RAD51B: variants seen among roughly 807,000 people sequenced by gnomAD.
RAD51B encodes the protein RAD51 paralog B.
RAD51B carries 38 observed loss-of-function variants against 42.2 expected under a neutral mutation model. That is an observed-to-expected ratio of 0.90 (90% CI 0.70 to 1.18). RAD51B has a LOEUF of 1.18. Ranked by LOEUF, RAD51B falls within the 50% of genes most tolerant of loss-of-function variation. RAD51B has a pLI of 0.00. For missense variants in RAD51B, 373 were observed against 400.7 expected, an observed-to-expected ratio of 0.93 and a Z score of 0.59; for synonymous variants, 154 against 145.2, an observed-to-expected ratio of 1.06 and a Z score of -0.43.
intron 7 of RAD51B, among the ~76,000 whole-genome samples, chr14:68,263,766 T>C (rs1160803926): frequency 6.6e-6 from 1 of 152,190 alleles, no homozygotes; most frequent in Non-Finnish European, 1.5e-5. Flanking sequence ...GGCCTAGCCC[T>C]TCCCCCTCAT....
chr14:68,540,233 A>G, intron 10 of RAD51B: 3 of 1,014,934 alleles, frequency 3.0e-6, no homozygotes, highest in Non-Finnish European at 2.4e-6. Context: ...GCTCGAGGCA[A>G]ACATAGGATC....
At chr14:68,519,682 C>T (rs1224628117) in intron 10 of RAD51B, among the ~76,000 whole-genome samples, 2 of 152,192 alleles carry the variant, frequency 1.3e-5, no homozygotes, top group Non-Finnish European at 2.9e-5. Flanking sequence ...GTATGTAGAA[C>T]GTGGAGAAAG....
Position 68,111,068 on chromosome 14 carries a change from A to G in RAD51B, c.757-180816A>G, listed in dbSNP as rs148041289. The stretch of plus-strand genomic sequence containing the variant: ...ACAAGATTTTAAAATGACAAGTAAG[A>G]TAATTACATGAAAGGATCTGTCTAG... On this transcript the variant is annotated intron_variant, in intron 7 of 10. Transcript: ENST00000471583. 6.6e-5 allele frequency among the ~76,000 whole-genome samples: 10 copies of G among 152,222 alleles called. No individual in the cohort carries two copies. In the East Asian group the frequency reaches 1.7e-3, roughly 26 times the overall value.
chr14:68,372,994 C>T (rs2083292527), intron 8 of RAD51B, among the ~76,000 whole-genome samples: 2 of 152,172 alleles, frequency 1.3e-5, no homozygotes, highest in Admixed American at 6.5e-5. Context: ...TGATGATTTA[C>T]TTAGTGTGGT....
chr14:68,282,751 T>A (rs1302334129), intron 7 of RAD51B, among the ~76,000 whole-genome samples: 1 of 152,238 alleles, frequency 6.6e-6, no homozygotes, highest in African/African-American at 2.4e-5. Flanking sequence ...AGATTCACTC[T>A]GGAGATAGAA....
intron 7 of RAD51B, among the ~76,000 whole-genome samples, chr14:68,062,832 GAA>G (rs1279926030): frequency 8.0e-6 from 1 of 124,310 alleles, no homozygotes; most frequent in Non-Finnish European, 1.7e-5. Context: ...AAAAAAAAAA[GAA>G]AAAAAAAAAA....
At chr14:68,131,047 A>G (rs563102555) in intron 7 of RAD51B, among the ~76,000 whole-genome samples, 42 of 152,358 alleles carry the variant, frequency 2.8e-4, no homozygotes, top group African/African-American at 9.9e-4. Context: ...ATTTAGAATT[A>G]TTAAATTCCT....
At chr14:68,026,937 T>C (rs2075965654) in intron 7 of RAD51B, among the ~76,000 whole-genome samples, 1 of 152,146 alleles carries the variant, frequency 6.6e-6, no homozygotes, top group African/African-American at 2.4e-5. Flanking sequence ...TTATAGTGTA[T>C]GTAGGCGCCA....
intron 8 of RAD51B, among the ~76,000 whole-genome samples, chr14:68,396,643 C>T (rs2083932212): frequency 6.6e-6 from 1 of 152,130 alleles, no homozygotes; most frequent in Non-Finnish European, 1.5e-5. Flanking sequence ...TGGAGAAAAC[C>T]TGGAGATTTA....
intron 4 of RAD51B, among the ~76,000 whole-genome samples, chr14:67,850,136 T>G (rs1396042285): frequency 6.6e-6 from 1 of 152,158 alleles, no homozygotes; most frequent in African/African-American, 2.4e-5. Context: ...GCTGGGACTA[T>G]AGGCGTGTGC....
intron 8 of RAD51B, among the ~76,000 whole-genome samples, chr14:68,312,097 C>T (rs186903095): frequency 3.9e-4 from 60 of 152,204 alleles, no homozygotes; most frequent in Admixed American, 3.5e-3. Context: ...AGTAGCACAA[C>T]GGGGAAGAAA....
chr14:67,911,989 T>C (rs1446616578), intron 7 of RAD51B, among the ~76,000 whole-genome samples: 1 of 152,234 alleles, frequency 6.6e-6, no homozygotes, highest in East Asian at 1.9e-4. Flanking sequence ...GTGTATATGA[T>C]AGCATGAAGA....
intron 7 of RAD51B, among the ~76,000 whole-genome samples, chr14:67,991,821 A>C (rs955594905): frequency 2.0e-5 from 3 of 152,196 alleles, no homozygotes; most frequent in African/African-American, 2.4e-5. Flanking sequence ...TGATATAGAC[A>C]GGAGTCAAAA....
intron 11 of RAD51B, among the ~76,000 whole-genome samples, chr14:68,658,192 C>T (rs1170194739): frequency 6.6e-6 from 1 of 152,260 alleles, no homozygotes; most frequent in Non-Finnish European, 1.5e-5. Flanking sequence ...AGCTCCCCAG[C>T]TGCTCTCTGA....
At chr14:68,596,861 C>T (rs1891018076), downstream of RAD51B, among the ~76,000 whole-genome samples, 1 of 152,260 alleles carries the variant, frequency 6.6e-6, no homozygotes, top group Non-Finnish European at 1.5e-5. Flanking sequence ...ATTGGCAACA[C>T]ACCCAGAAGG....
At chr14:68,221,719 C>A (rs996053069) in intron 7 of RAD51B, among the ~76,000 whole-genome samples, 8 of 152,136 alleles carry the variant, frequency 5.3e-5, no homozygotes, top group Non-Finnish European at 1.0e-4. Context: ...TTCTTCACAG[C>A]AAAAGAAATA....
chr14:68,379,186 C>G (rs2083431501), intron 8 of RAD51B, among the ~76,000 whole-genome samples: 1 of 152,090 alleles, frequency 6.6e-6, no homozygotes, highest in African/African-American at 2.4e-5. Context: ...CTACTCTCAC[C>G]CAGTCCGGTT....
At chr14:67,922,909 T>C (rs1393716536) in intron 7 of RAD51B, among the ~76,000 whole-genome samples, 1 of 152,162 alleles carries the variant, frequency 6.6e-6, no homozygotes, top group Non-Finnish European at 1.5e-5. Context: ...CAGGCTGGTC[T>C]CAAGCTCCTG....
intron 8 of RAD51B, among the ~76,000 whole-genome samples, chr14:68,333,836 A>T (rs372923318): frequency 6.6e-6 from 1 of 152,128 alleles, no homozygotes; most frequent in African/African-American, 2.4e-5. Context: ...TATATTTTTA[A>T]CCATAGACAC....
Sources: allele counts gnomAD v4.1 joint callset (sites outside exome capture counted in the v4.1 genomes callset), GRCh38; gene constraint gnomAD v4.1.1; transcripts MANE v1.5; gene names NCBI Gene and HGNC (gene_info 2026-07-23, HGNC 2026-07-21).